SLC5A7: variants seen among roughly 807,000 people sequenced by gnomAD.
SLC5A7 encodes solute carrier family 5 member 7.
Under a neutral mutation model 55.4 loss-of-function variants are expected in SLC5A7, and 19 were observed. That is an observed-to-expected ratio of 0.34 (90% CI 0.24 to 0.50). The LOEUF is 0.50. Ranked by LOEUF, SLC5A7 falls within the 20% of genes least tolerant of loss-of-function variation. The pLI is 0.98. For synonymous variants in SLC5A7, 265 were observed against 263.7 expected (o/e 1.00, Z -0.05); for missense variants, 506 against 705.3 (o/e 0.72, Z 3.20).
chr2:107,998,033 TA>T, intron 5 of SLC5A7, 47 bp downstream of exon 5: 1 of 1,559,852 alleles, frequency 6.4e-7, no homozygotes, highest in Non-Finnish European at 8.7e-7. Flanking sequence ...CTGTAAAAGG[TA>T]ATGTATTTTA....
intron 2 of SLC5A7, 70 bp from the exon 3 acceptor site, chr2:107,992,036 T>C: frequency 1.1e-6 from 1 of 893,562 alleles, no homozygotes; most frequent in Non-Finnish European, 1.8e-6. Context: ...TAGTAGCCAC[T>C]GGTTTGGCAG....
chr2:108,000,556 C>A (rs1573604540), intron 5 of SLC5A7, among the ~76,000 whole-genome samples: 1 of 152,192 alleles, frequency 6.6e-6, no homozygotes, highest in East Asian at 1.9e-4. Flanking sequence ...CAGTGGCTAC[C>A]CAAAGTGCTA....
chr2:108,000,842 AG>A (rs1362106702), intron 5 of SLC5A7, among the ~76,000 whole-genome samples: 4 of 151,582 alleles, frequency 2.6e-5, no homozygotes. Flanking sequence ...CAATCCACCC[AG>A]TTAGGCCTCC....
intron 7 of SLC5A7, 87 bp downstream of exon 7, chr2:108,006,289 C>T (rs949009536): frequency 2.8e-6 from 4 of 1,449,014 alleles, no homozygotes; most frequent in Admixed American, 1.8e-5. Context: ...CCTCTTTCCT[C>T]CACATAGTGA....
intron 2 of SLC5A7, 89 bp from the exon 3 acceptor site, chr2:107,992,017 A>C (rs1573591836): frequency 1.5e-6 from 1 of 662,594 alleles, no homozygotes; most frequent in African/African-American, 1.8e-5. Context: ...TCAGGTGCTC[A>C]GTAACTTCTA....
intron 4 of SLC5A7, among the ~76,000 whole-genome samples, chr2:107,996,168 C>CA (rs923757212): frequency 9.4e-5 from 14 of 149,060 alleles, no homozygotes; most frequent in South Asian, 6.4e-4. Context: ...GAACTACACA[C>CA]AAAAAAAAAG....
intron 6 of SLC5A7, 130 bp downstream of exon 6, chr2:108,002,170 C>T (rs1394964157): frequency 2.8e-5 from 31 of 1,102,092 alleles, no homozygotes; most frequent in Non-Finnish European, 4.0e-5. Context: ...TGAGGACTCT[C>T]TATCGGGAGG....
intron 7 of SLC5A7, among the ~76,000 whole-genome samples, chr2:108,007,504 C>CTG (rs1182710861): frequency 6.9e-6 from 1 of 144,516 alleles, no homozygotes; most frequent in Non-Finnish European, 1.5e-5. Flanking sequence ...GTGTGTGTGT[C>CTG]TGTGTGTGTG....
chr2:108,004,967 A>G (rs1270421931), intron 6 of SLC5A7, among the ~76,000 whole-genome samples: 2 of 152,216 alleles, frequency 1.3e-5, no homozygotes, highest in Non-Finnish European at 2.9e-5. Flanking sequence ...AACAAATTGC[A>G]TTATAGTTTA....
At chr2:108,006,231 G>A (rs1678117200) in intron 7 of SLC5A7, 29 bp downstream of exon 7, 2 of 1,611,954 alleles carry the variant, frequency 1.2e-6, no homozygotes, top group Non-Finnish European at 8.5e-7. Context: ...CACCACATGT[G>A]CCAGTTAGTT....
intron 6 of SLC5A7, 76 bp downstream of exon 6, chr2:108,002,116 C>A: frequency 1.3e-6 from 2 of 1,532,844 alleles, no homozygotes; most frequent in South Asian, 1.2e-5. Context: ...TTTTCATATT[C>A]ATAGTAAAAA....
At position 108,013,450 on chromosome 2, in the gene SLC5A7, T is replaced by C. The variant is rs1678418171; in HGVS notation, c.*2589T>C. ...CAAGGTCTTTACTTATGCACATTTG[T>C]GCATAAATTTCCACCCAATTTCCAA... On this transcript the variant is annotated 3_prime_UTR_variant, in exon 9 of 9. Transcript: ENST00000264047. The C allele has an allele frequency of 6.6e-6, 1 of 152,162 alleles. No individual in the cohort carries two copies. The highest frequency in any genetic ancestry group is 2.4e-5 in the African/African-American group (1 of 41,454). The allele number at this position is 152,162 out of a possible 1,614,324, so 9.4% of individuals were successfully genotyped here. A position where few individuals can be genotyped will look rare whatever the true frequency, so the allele number is the denominator to read the frequency against.
At position 107,986,730 on chromosome 2, in the gene SLC5A7, G is replaced by A. The variant is rs1235773229; in HGVS notation, c.-85G>A. 1 of 152,592 alleles carries A rather than the reference G, an allele frequency of 6.6e-6. No homozygotes were observed. Among genetic ancestry groups the A allele is most frequent in the African/African-American group, 2.4e-5 (1 of 41,450 alleles). The allele number at this position is 152,592 out of a possible 1,614,324, so 9.5% of individuals were successfully genotyped here. Reference sequence around the variant, plus strand: ...GCGGTTCCAGGGGGCGGCGGCCCCGGGCGGAGCGCTTTCGCGTGCAGCCAC... The same window carrying A: ...GCGGTTCCAGGGGGCGGCGGCCCCGAGCGGAGCGCTTTCGCGTGCAGCCAC... On this transcript the variant is annotated 5_prime_UTR_variant, in exon 1 of 9. Transcript: ENST00000264047.
Position 107,986,565 on chromosome 2 carries a change from C to A in SLC5A7, c.-250C>A, listed in dbSNP as rs1399238955. The A allele has an allele frequency of 6.5e-6, 1 of 152,814 alleles. No homozygotes were observed. Among genetic ancestry groups the A allele is most frequent in the African/African-American group, 2.4e-5 (1 of 41,466 alleles). The allele number at this position is 152,814 out of a possible 1,614,324, so 9.5% of individuals were successfully genotyped here. On this transcript the variant is annotated 5_prime_UTR_variant, in exon 1 of 9. Transcript: ENST00000264047. ...TGCGCCGCGCGCCCTCCGCCGGCGC[C>A]AACACCTGTCAACTCTGCGCGCTCC... is the stretch of plus-strand genomic sequence containing the variant.
chr2:108,004,247 A>G (rs937948184), intron 6 of SLC5A7, among the ~76,000 whole-genome samples: 1 of 152,234 alleles, frequency 6.6e-6, no homozygotes, highest in East Asian at 1.9e-4. Flanking sequence ...TGATGTATCA[A>G]TCCATTCAAG....
At chr2:108,003,232 A>G (rs1220323709) in intron 6 of SLC5A7, among the ~76,000 whole-genome samples, 3 of 152,222 alleles carry the variant, frequency 2.0e-5, no homozygotes, top group Non-Finnish European at 2.9e-5. Flanking sequence ...TTATGGTTAC[A>G]TCATAGAGAG....
At chr2:108,003,877 T>A (rs772071526) in intron 6 of SLC5A7, among the ~76,000 whole-genome samples, 11 of 152,162 alleles carry the variant, frequency 7.2e-5, no homozygotes, top group Non-Finnish European at 1.3e-4. Flanking sequence ...AGGCTGGAAA[T>A]CTCAGACCAG....
At chr2:108,000,925 CTT>C (rs1170263457) in intron 5 of SLC5A7, among the ~76,000 whole-genome samples, 4 of 112,502 alleles carry the variant, frequency 3.6e-5, no homozygotes, top group Non-Finnish European at 5.6e-5. Flanking sequence ...TAATACAATT[CTT>C]TTTTTTTTTT....
rs1677325292 is a variant in SLC5A7, at chr2:107,988,317, T to C, written c.162T>C (p.Gly54=). Residue 54 remains glycine, a synonymous_variant, in exon 2 of 9, where the codon GGT becomes GGC. Coordinates refer to ENST00000264047, the MANE Select transcript of SLC5A7 (RefSeq NM_021815.5). The part of the protein sequence containing the change: ...VGGRDIGLLV[G]GFTMTATWVG... ...GCCGAGATATTGGTTTATTGGTTGG[T>C]GGATTTACCATGACAGGTACGTTCA... 1 of 1,613,602 alleles carries C rather than the reference T, an allele frequency of 6.2e-7. No individual in the cohort carries two copies. The highest frequency in any genetic ancestry group is 1.3e-5 in the African/African-American group (1 of 75,052).
Sources: allele counts gnomAD v4.1 joint callset (sites outside exome capture counted in the v4.1 genomes callset), GRCh38; gene constraint gnomAD v4.1.1; transcripts MANE v1.5; gene names NCBI Gene and HGNC (gene_info 2026-07-23, HGNC 2026-07-21).